The following CD58 variants were observed in gnomAD, a reference collection of about 807,000 sequenced individuals.
CD58 encodes the protein CD58 molecule.
A neutral mutation model predicts 27.6 loss-of-function variants in CD58; 14 were observed. That is an observed-to-expected ratio of 0.51 (90% CI 0.34 to 0.79). CD58 has a LOEUF of 0.79. Among genes scored for constraint, CD58 ranks in the 30% least tolerant of loss-of-function variants. CD58 has a pLI of 0.02. For synonymous variants in CD58, 117 were observed against 103.8 expected (o/e 1.13, Z -0.77); for missense variants, 268 against 301.7 (o/e 0.89, Z 0.83).
rs12029774 is a variant in CD58 at position 116,515,450 on chromosome 1, G to A, written c.744-628C>T. ...GAATTCATGAGAAATTAGTGCTGTG[G>A]TCACAGGGGTGAGGTAAAGGACAGC... On this transcript the variant is annotated intron_variant, in intron 5 of 5. Coordinates refer to ENST00000369489, the MANE Select transcript of CD58 (RefSeq NM_001779.3). This position sits in a 1 kb window ranked among gnomAD's most constrained non-coding sequence, Gnocchi z 4.6. Among the ~76,000 whole-genome samples the A allele has an allele frequency of 1.3e-5, 2 of 152,356 alleles. No individual in the cohort carries two copies. Among genetic ancestry groups the A allele is most frequent in the African/African-American group, 4.8e-5 (2 of 41,576 alleles).
chr1:116,533,173 C>A, intron 3 of CD58: 1 of 753,322 alleles, frequency 1.3e-6, no homozygotes. Flanking sequence ...GAATCTTTAT[C>A]CAGTGATTCT....
rs1275601655 is a variant in CD58, at chr1:116,515,967, T to G, written c.744-1145A>C. The stretch of plus-strand genomic sequence containing the variant: ...GCAGCTGGGGAAATATTGCATTTGT[T>G]CCTACTTATGCTTGCCCCTTTCTCA... On this transcript the variant is annotated intron_variant, in intron 5 of 5. Coordinates refer to ENST00000369489, the MANE Select transcript of CD58 (RefSeq NM_001779.3). This position sits in a 1 kb window ranked among gnomAD's most constrained non-coding sequence, Gnocchi z 4.6. Among the ~76,000 whole-genome samples, 1 of 152,108 alleles carries G rather than the reference T, an allele frequency of 6.6e-6. No homozygotes were observed. The highest frequency in any genetic ancestry group is 1.9e-4 in the East Asian group (1 of 5,184).
At chr1:116,529,505 C>T (rs2101165636) in intron 3 of CD58, among the ~76,000 whole-genome samples, 1 of 152,314 alleles carries the variant, frequency 6.6e-6, no homozygotes, top group East Asian at 1.9e-4. Flanking sequence ...CTTACTTTTA[C>T]TTCCCAGTAC....
intron 2 of CD58, among the ~76,000 whole-genome samples, chr1:116,540,950 C>T (rs1357227787): frequency 1.3e-5 from 2 of 152,084 alleles, no homozygotes; most frequent in African/African-American, 2.4e-5. Flanking sequence ...GCTGGGACTA[C>T]AGGCATGCAC....
In CD58 at chr1:116,541,444, G is replaced by T. The variant is rs1262466674; in HGVS notation, c.364+2867C>A. On this transcript the variant is annotated intron_variant, in intron 2 of 5. Transcript: ENST00000369489. This position sits in a 1 kb window ranked among gnomAD's most constrained non-coding sequence, Gnocchi z 5.3. ...TTTAGCTTTAACAGAGTTAGATGGG[G>T]CCATTAGAAAGTTCCACACAGATGA... Among the ~76,000 whole-genome samples the T allele has an allele frequency of 2.0e-5, 3 of 152,206 alleles. No homozygotes were observed. Among genetic ancestry groups the T allele is most frequent in the Non-Finnish European group, 2.9e-5 (2 of 68,042 alleles).
In CD58 at chr1:116,519,548, G is replaced by A. The variant is rs548250016; in HGVS notation, c.707-281C>T. Among the ~76,000 whole-genome samples the A allele has an allele frequency of 3.3e-5, 5 of 152,284 alleles. No homozygotes were observed. The South Asian group carries it at 1.0e-3, about 32-fold the overall frequency. The stretch of plus-strand genomic sequence containing the variant: ...TGCATAAGGCTGAAGATGCAGGGAA[G>A]GCTAGAATAGTTTGGACCAGTGCTG... On this transcript the variant is annotated intron_variant, in intron 4 of 5. Transcript: ENST00000369489. This position sits in a 1 kb window ranked among gnomAD's most constrained non-coding sequence, Gnocchi z 4.7.
chr1:116,548,403 T>C (rs757815433), intron 1 of CD58, among the ~76,000 whole-genome samples: 4 of 152,204 alleles, frequency 2.6e-5, no homozygotes, highest in Non-Finnish European at 5.9e-5. Context: ...TTTTCTGATG[T>C]TATCTTCTAG....
intron 1 of CD58, among the ~76,000 whole-genome samples, chr1:116,569,055 A>G (rs1055416904): frequency 5.3e-5 from 8 of 152,330 alleles, no homozygotes; most frequent in African/African-American, 1.9e-4. Context: ...CCAGGAAGGG[A>G]CAGTTCAAAT....
chr1:116,553,673 C>T (rs963480377), intron 1 of CD58, among the ~76,000 whole-genome samples: 2 of 152,164 alleles, frequency 1.3e-5, no homozygotes, highest in Non-Finnish European at 2.9e-5. Flanking sequence ...GACATCCAAG[C>T]AAAGATGCCC....
chr1:116,538,333 T>A lies in CD58; in HGVS notation c.365-2105A>T, dbSNP rs774097562. Among the ~76,000 whole-genome samples the A allele has an allele frequency of 2.0e-5, 3 of 152,180 alleles. No individual in the cohort carries two copies. The highest frequency in any genetic ancestry group is 4.4e-5 in the Non-Finnish European group (3 of 68,042). On this transcript the variant is annotated intron_variant, in intron 2 of 5. Transcript: ENST00000369489. This position sits in a 1 kb window ranked among gnomAD's most constrained non-coding sequence, Gnocchi z 4.7. ...GCCCTGCTCTCCTAACTTCCTCTGG[T>A]CCCTTTTGCCCACCCCACCCCATAG... is the stretch of plus-strand genomic sequence containing the variant.
chr1:116,535,082 T>C (rs1657748977), intron 3 of CD58, among the ~76,000 whole-genome samples: 1 of 152,086 alleles, frequency 6.6e-6, no homozygotes, highest in Non-Finnish European at 1.5e-5. Context: ...GGATATAATG[T>C]AAAAAACAGA....
At chr1:116,542,974 G>A (rs969824797) in intron 2 of CD58, among the ~76,000 whole-genome samples, 21 of 152,198 alleles carry the variant, frequency 1.4e-4, no homozygotes, top group African/African-American at 5.1e-4. Context: ...GTAACTGCTA[G>A]GAGAGTGGGT....
chr1:116,537,081 C>T (rs1657838433), intron 2 of CD58, among the ~76,000 whole-genome samples: 1 of 152,170 alleles, frequency 6.6e-6, no homozygotes, highest in African/African-American at 2.4e-5. Flanking sequence ...CATAGCAAGA[C>T]CCTGTCTTTA....
chr1:116,553,834 A>C (rs997392696), intron 1 of CD58, among the ~76,000 whole-genome samples: 1 of 152,138 alleles, frequency 6.6e-6, no homozygotes, highest in African/African-American at 2.4e-5. Flanking sequence ...CCTGTGCTTT[A>C]AAGCTTGGCT....
At chr1:116,518,039 CTTATA>C (rs978917013) in intron 5 of CD58, among the ~76,000 whole-genome samples, 2 of 152,122 alleles carry the variant, frequency 1.3e-5, no homozygotes, top group East Asian at 1.9e-4. Flanking sequence ...AAGCATTGTA[CTTATA>C]TTAATATATT....
At position 116,559,262 on chromosome 1, in the gene CD58, A is replaced by T. The variant is rs1346843539; in HGVS notation, c.70+11641T>A. On this transcript the variant is annotated intron_variant, in intron 1 of 5. Transcript: ENST00000369489. The surrounding 1 kb of genome is among the most constrained non-coding windows in gnomAD (Gnocchi z 4.4). ...GGAGTTATTTCTTGAGAACACGCCT[A>T]TCAAAGTAAGGTGGTTTGCTCCGCT... is the stretch of plus-strand genomic sequence containing the variant. Among the ~76,000 whole-genome samples, 3 of 152,174 alleles carry T rather than the reference A, an allele frequency of 2.0e-5. No individual in the cohort carries two copies. The highest frequency in any genetic ancestry group is 4.4e-5 in the Non-Finnish European group (3 of 68,034).
intron 1 of CD58, among the ~76,000 whole-genome samples, chr1:116,565,869 T>C (rs1456034835): frequency 9.2e-5 from 14 of 152,054 alleles, no homozygotes; most frequent in Admixed American, 9.2e-4. Flanking sequence ...TACAGGCGTG[T>C]GCCACCATGC....
chr1:116,535,915 C>T (rs1432328910), intron 3 of CD58, 50 bp downstream of exon 3: 2 of 1,413,398 alleles, frequency 1.4e-6, no homozygotes, highest in African/African-American at 1.4e-5. Flanking sequence ...GTGTTAGTCA[C>T]CACATCTGTG....
chr1:116,534,652 C>T lies in CD58; in HGVS notation c.628+1313G>A, dbSNP rs995389640. 6.6e-6 allele frequency among the ~76,000 whole-genome samples: 1 copy of T among 152,206 alleles called. No individual in the cohort carries two copies. Among genetic ancestry groups the T allele is most frequent in the Non-Finnish European group, 1.5e-5 (1 of 68,022 alleles). On this transcript the variant is annotated intron_variant, in intron 3 of 5. Transcript: ENST00000369489. This position sits in a 1 kb window ranked among gnomAD's most constrained non-coding sequence, Gnocchi z 5.3. ...GCCCCAAGCCCCAGGCCCGCCGCGG[C>T]GGCGCTGCCCACCCTGACGAGGACG...
Sources: allele counts gnomAD v4.1 joint callset (sites outside exome capture counted in the v4.1 genomes callset), GRCh38; gene constraint gnomAD v4.1.1; non-coding constraint Gnocchi (gnomAD v3.1); transcripts MANE v1.5; gene names NCBI Gene and HGNC (gene_info 2026-07-23, HGNC 2026-07-21).